Variants in FRAS1 observed in about 807,000 individuals in gnomAD.
FRAS1 encodes Fraser extracellular matrix complex subunit 1.
Under a neutral mutation model 435.2 loss-of-function variants are expected in FRAS1, and 290 were observed. The observed-to-expected ratio is 0.67, with a 90% CI of 0.61 to 0.73. FRAS1 has a LOEUF of 0.73. FRAS1 is among the 30% of genes least tolerant of loss of function. FRAS1 has a pLI of 0.00. For missense variants in FRAS1, 4,860 were observed against 5,001.5 expected, an observed-to-expected ratio of 0.97 and a Z score of 0.85; for synonymous variants, 1,800 against 1,851.0, an observed-to-expected ratio of 0.97 and a Z score of 0.71.
At chr4:78,460,006 T>C (rs1450439313) in intron 47 of FRAS1, among the ~76,000 whole-genome samples, 2 of 152,182 alleles carry the variant, frequency 1.3e-5, no homozygotes, top group South Asian at 2.1e-4. Context: ...CTTCAACATA[T>C]GAATTTGTGG....
At chr4:78,380,537 C>G (rs1212747569) in intron 27 of FRAS1, among the ~76,000 whole-genome samples, 4 of 152,176 alleles carry the variant, frequency 2.6e-5, no homozygotes, top group African/African-American at 7.2e-5. Context: ...CTTCCCCACC[C>G]CAGCTGACAT....
rs34768036 is a variant in FRAS1, at chr4:78,267,398, A to G, written c.947A>G (p.Gln316Arg). 26 of 1,613,842 alleles carry G rather than the reference A, an allele frequency of 1.6e-5. No homozygotes were observed. The African/African-American group carries it at 3.2e-4, about 20-fold the overall frequency. The change falls in exon 9 of 74, where the codon CAG (glutamine) becomes CGG (arginine). Residue 316 changes from glutamine to arginine, a missense_variant. Coordinates refer to ENST00000512123, the MANE Select transcript of FRAS1 (RefSeq NM_025074.7). ...TGTGATCATGGCCAAGTGACCTGCC[A>G]GACTGGAGAGTGTGCCAAAGTGGAG... Reference protein sequence around the residue: ...CMCDHGQVTCQTGECAKVECA... With the variant: ...CMCDHGQVTCRTGECAKVECA...
intron 70 of FRAS1, among the ~76,000 whole-genome samples, chr4:78,529,666 C>G (rs1721652818): frequency 6.6e-6 from 1 of 152,062 alleles, no homozygotes; most frequent in African/African-American, 2.4e-5. Context: ...CACATAATAC[C>G]AAACCCTATA....
intron 50 of FRAS1, among the ~76,000 whole-genome samples, chr4:78,469,469 C>T (rs56299744): frequency 3.3e-5 from 5 of 152,092 alleles, no homozygotes; most frequent in African/African-American, 1.2e-4. Context: ...AAACAGACAA[C>T]AACAATGGGA....
At chr4:78,278,528 G>A (rs1434059887) in intron 9 of FRAS1, 127 bp from the exon 10 acceptor site, 5 of 633,542 alleles carry the variant, frequency 7.9e-6, no homozygotes, top group Non-Finnish European at 8.6e-6. Context: ...GAAACAGGCA[G>A]AGGGCCAGAG....
intron 2 of FRAS1, among the ~76,000 whole-genome samples, chr4:78,126,196 A>T (rs1016906789): frequency 2.0e-5 from 3 of 151,950 alleles, no homozygotes; most frequent in Admixed American, 2.0e-4. Context: ...TGAGCATGGG[A>T]CCCACCGAGC....
chr4:78,095,169 G>A (rs1227937194), intron 2 of FRAS1, among the ~76,000 whole-genome samples: 4 of 152,194 alleles, frequency 2.6e-5, no homozygotes, highest in Admixed American at 6.5e-5. Flanking sequence ...TAAAAATGTT[G>A]AAACTTTTCC....
chr4:78,274,020 A>G (rs7689806), intron 9 of FRAS1, among the ~76,000 whole-genome samples: 2,155 of 152,270 alleles, frequency 0.014, 60 homozygotes, highest in African/African-American at 0.049. Flanking sequence ...CAGGGATTCA[A>G]CTTCTTCCTA....
chr4:78,376,013 T>C, intron 26 of FRAS1, 134 bp downstream of exon 26: 1 of 933,276 alleles, frequency 1.1e-6, no homozygotes. Flanking sequence ...ATGGTGCTAC[T>C]AAGGAGTAAG....
chr4:78,525,587 T>C (rs561635334), intron 69 of FRAS1, among the ~76,000 whole-genome samples: 1 of 152,348 alleles, frequency 6.6e-6, no homozygotes, highest in African/African-American at 2.4e-5. Context: ...AATAGATAAG[T>C]ATCCCAAAAT....
At chr4:78,465,423 G>A (rs1719497143) in intron 49 of FRAS1, among the ~76,000 whole-genome samples, 1 of 152,226 alleles carries the variant, frequency 6.6e-6, no homozygotes, top group South Asian at 2.1e-4. Flanking sequence ...TGATAGATAT[G>A]CTGCTTTAGA....
At chr4:78,485,447 G>T (rs1221552977) in intron 58 of FRAS1, among the ~76,000 whole-genome samples, 1 of 152,114 alleles carries the variant, frequency 6.6e-6, no homozygotes, top group African/African-American at 2.4e-5. Context: ...TTTTCTTTCA[G>T]AAAAGCTACA....
At chr4:78,456,212 T>C (rs1287299866) in intron 47 of FRAS1, among the ~76,000 whole-genome samples, 7 of 85,968 alleles carry the variant, frequency 8.1e-5, no homozygotes, top group Non-Finnish European at 1.7e-4. Context: ...GGTGTGATCT[T>C]GGCTCATTGC....
Position 78,450,152 on chromosome 4 carries a change from G to T in FRAS1, c.6276G>T (p.Gly2092=), listed in dbSNP as rs376918508. 3 of 1,612,442 alleles carry T rather than the reference G, an allele frequency of 1.9e-6. No homozygotes were observed. The highest frequency in any genetic ancestry group is 2.5e-6 in the Non-Finnish European group (3 of 1,178,804). The change falls in exon 45 of 74, where the codon GGG becomes GGT. Residue 2092 remains glycine (G), a splice_region_variant and synonymous_variant. Transcript: ENST00000512123. ...AINQGLQLSA[G]SVARITEQHL... ...TACTCTCTTCCGTTCTCTTCCAAGG[G>T]TCTGTAGCACGCATCACAGAACAGC... is the stretch of plus-strand genomic sequence containing the variant.
chr4:78,233,025 C>T (rs1266849046), intron 2 of FRAS1, among the ~76,000 whole-genome samples: 1 of 152,206 alleles, frequency 6.6e-6, no homozygotes, highest in East Asian at 1.9e-4. Context: ...GAATAACCTA[C>T]TCCATGTTCT....
chr4:78,133,382 G>A (rs1379980893), intron 2 of FRAS1, among the ~76,000 whole-genome samples: 1 of 152,054 alleles, frequency 6.6e-6, no homozygotes, highest in African/African-American at 2.4e-5. Context: ...GGGAAGGGTA[G>A]TGGGGTGGGA....
intron 4 of FRAS1, among the ~76,000 whole-genome samples, chr4:78,245,691 A>T (rs1725210360): frequency 6.6e-6 from 1 of 152,204 alleles, no homozygotes; most frequent in Non-Finnish European, 1.5e-5. Flanking sequence ...TAAATACGAA[A>T]AAATTTAATT....
chr4:78,343,718 C>G (rs541527388), intron 20 of FRAS1, among the ~76,000 whole-genome samples: 7 of 152,310 alleles, frequency 4.6e-5, no homozygotes, highest in Non-Finnish European at 8.8e-5. Flanking sequence ...GCTGATACAA[C>G]TGCAGCACTG....
At position 78,464,602 on chromosome 4, in the gene FRAS1, A is replaced by G. The variant is rs763741711; in HGVS notation, c.7029+19A>G. On this transcript the variant is annotated intron_variant, in intron 49 of 73. Coordinates refer to ENST00000512123, the MANE Select transcript of FRAS1 (RefSeq NM_025074.7). Reference sequence around the variant, plus strand: ...CACAGAGGTAAGAGCACTTCTTCCCATGGGTTCTCTGGCTAAATGAGAGGC... The same window carrying G: ...CACAGAGGTAAGAGCACTTCTTCCCGTGGGTTCTCTGGCTAAATGAGAGGC... 2 of 1,612,548 alleles carry G rather than the reference A, an allele frequency of 1.2e-6. No homozygotes were observed. The highest frequency in any genetic ancestry group is 1.1e-5 in the South Asian group (1 of 90,854).
Sources: gnomAD v4.1 joint callset for allele counts (sites outside exome capture counted in the v4.1 genomes callset) on GRCh38, gnomAD v4.1.1 for gene constraint, MANE v1.5 for transcripts, NCBI Gene and HGNC (gene_info 2026-07-23, HGNC 2026-07-21) for gene names.